Variants in BARX2 observed in about 807,000 individuals in gnomAD.
BARX2 encodes the protein BARX homeobox 2, also known as homeobox protein BarH-like 2.
BARX2 carries 11 observed loss-of-function variants against 25.5 expected under a neutral mutation model. The ratio of observed to expected loss-of-function variants is 0.43; its 90% CI spans 0.27 to 0.71. BARX2 has a LOEUF of 0.71. Among genes scored for constraint, BARX2 ranks in the 30% least tolerant of loss-of-function variants. The probability of loss-of-function intolerance (pLI) is 0.19; values close to 1 mark genes in which losing one functional copy is unlikely to be tolerated. For missense variants in BARX2, 360 were observed against 359.9 expected, an observed-to-expected ratio of 1.00 and a Z score of 0.00; for synonymous variants, 137 against 149.5, an observed-to-expected ratio of 0.92 and a Z score of 0.61.
chr11:129,382,549 G>C (rs1350728134), intron 1 of BARX2, among the ~76,000 whole-genome samples: 1 of 152,124 alleles, frequency 6.6e-6, no homozygotes, highest in Non-Finnish European at 1.5e-5. Flanking sequence ...CTTGCCACAC[G>C]TCCTGCCCAC....
At chr11:129,411,905 C>G (rs910952421) in intron 1 of BARX2, among the ~76,000 whole-genome samples, 1 of 152,188 alleles carries the variant, frequency 6.6e-6, no homozygotes, top group African/African-American at 2.4e-5. Context: ...CCTGTCCTTT[C>G]GAGGAACTCG....
At chr11:129,431,068 G>A (rs1406945551) in intron 1 of BARX2, among the ~76,000 whole-genome samples, 1 of 152,088 alleles carries the variant, frequency 6.6e-6, no homozygotes, top group Non-Finnish European at 1.5e-5. Flanking sequence ...CGCCATGTTG[G>A]CCAGGCTGGT....
At chr11:129,403,339 A>G (rs1472787721) in intron 1 of BARX2, among the ~76,000 whole-genome samples, 1 of 152,246 alleles carries the variant, frequency 6.6e-6, no homozygotes, top group Non-Finnish European at 1.5e-5. Context: ...GCACTGGCTC[A>G]TATTTAAAGG....
At chr11:129,434,715 A>G (rs1483848931) in intron 1 of BARX2, among the ~76,000 whole-genome samples, 7 of 152,358 alleles carry the variant, frequency 4.6e-5, no homozygotes, top group African/African-American at 1.4e-4. Flanking sequence ...CTTTGTACGC[A>G]TAGACCTCAA....
intron 1 of BARX2, among the ~76,000 whole-genome samples, chr11:129,422,136 T>C (rs1862011597): frequency 6.6e-6 from 1 of 152,052 alleles, no homozygotes; most frequent in South Asian, 2.1e-4. Context: ...GCCTCATCTT[T>C]CCCAAGTGCT....
At chr11:129,414,332 G>A (rs1861921802) in intron 1 of BARX2, among the ~76,000 whole-genome samples, 1 of 151,998 alleles carries the variant, frequency 6.6e-6, no homozygotes, top group South Asian at 2.1e-4. Flanking sequence ...TAGGCCCTGT[G>A]ACTAAGCTGT....
intron 1 of BARX2, among the ~76,000 whole-genome samples, chr11:129,414,172 A>C (rs1383817923): frequency 6.6e-6 from 1 of 152,152 alleles, no homozygotes; most frequent in Non-Finnish European, 1.5e-5. Context: ...TTTGGAGTTC[A>C]GAATGTATTA....
intron 1 of BARX2, among the ~76,000 whole-genome samples, chr11:129,431,431 G>A (rs898833144): frequency 6.6e-6 from 1 of 152,166 alleles, no homozygotes; most frequent in Non-Finnish European, 1.5e-5. Context: ...GAGAGTTCCA[G>A]TTGCTCCACA....
intron 1 of BARX2, among the ~76,000 whole-genome samples, chr11:129,387,084 T>G (rs1861623417): frequency 6.6e-6 from 1 of 152,168 alleles, no homozygotes; most frequent in South Asian, 2.1e-4. Flanking sequence ...CGGGACAAAG[T>G]CCTTCTGCAT....
At chr11:129,449,853 C>A (rs1215231583) in intron 3 of BARX2, among the ~76,000 whole-genome samples, 1 of 152,116 alleles carries the variant, frequency 6.6e-6, no homozygotes, top group Non-Finnish European at 1.5e-5. Context: ...AGTGCTCTGG[C>A]CAGAACAGTA....
chr11:129,400,469 A>G (rs1295784781), intron 1 of BARX2, among the ~76,000 whole-genome samples: 1 of 152,188 alleles, frequency 6.6e-6, no homozygotes, highest in Non-Finnish European at 1.5e-5. Context: ...GGCTTTGGAC[A>G]TTCTGAGAAG....
intron 3 of BARX2, among the ~76,000 whole-genome samples, chr11:129,443,810 C>T (rs1001426399): frequency 1.8e-4 from 27 of 152,100 alleles, no homozygotes; most frequent in African/African-American, 6.5e-4. Context: ...GCTTTGTAAA[C>T]CACTGAGACA....
chr11:129,379,502 TA>T (rs1861538875), intron 1 of BARX2, among the ~76,000 whole-genome samples: 1 of 152,084 alleles, frequency 6.6e-6, no homozygotes, highest in African/African-American at 2.4e-5. Context: ...ACACTTCATT[TA>T]GGATGCTTTA....
At chr11:129,383,815 C>T (rs1280424463) in intron 1 of BARX2, among the ~76,000 whole-genome samples, 6 of 152,138 alleles carry the variant, frequency 3.9e-5, no homozygotes, top group Non-Finnish European at 7.4e-5. Flanking sequence ...ACCAACATGT[C>T]CTTAGGAACA....
intron 1 of BARX2, among the ~76,000 whole-genome samples, chr11:129,429,922 T>C (rs1338827799): frequency 6.6e-6 from 1 of 152,268 alleles, no homozygotes; most frequent in Non-Finnish European, 1.5e-5. Flanking sequence ...TTCACTCTCC[T>C]GCAAGGTGCA....
intron 2 of BARX2, among the ~76,000 whole-genome samples, chr11:129,438,835 G>A (rs1196327250): frequency 6.6e-6 from 1 of 152,200 alleles, no homozygotes; most frequent in Non-Finnish European, 1.5e-5. Flanking sequence ...GGATATTGCT[G>A]AGCGTGGGAG....
rs367573574 is a variant in BARX2 at position 129,442,844 on chromosome 11, G to A, written c.498G>A (p.Leu166=). The A allele has an allele frequency of 5.8e-5, 94 of 1,613,618 alleles. No homozygotes were observed. The highest frequency in any genetic ancestry group is 7.3e-5 in the Non-Finnish European group (86 of 1,179,732). Residue 166 remains leucine (L), a synonymous_variant, in exon 3 of 4, where the codon TTG becomes TTA. Coordinates refer to ENST00000281437, the MANE Select transcript of BARX2 (RefSeq NM_003658.5). ...KYLSTPDRLD[L]AQSLGLTQLQ... is the part of the protein sequence containing the mutation. ...ATCTTGTGCCTTCTAGGTTGGACTT[G>A]GCTCAGTCTCTGGGACTCACTCAGC...
chr11:129,414,222 G>C (rs558684932), intron 1 of BARX2, among the ~76,000 whole-genome samples: 2 of 150,382 alleles, frequency 1.3e-5, no homozygotes, highest in African/African-American at 4.9e-5. Context: ...GGCAAATTGT[G>C]ATTTTTTTCT....
chr11:129,402,889 T>A (rs187433665), intron 1 of BARX2, among the ~76,000 whole-genome samples: 600 of 152,270 alleles, frequency 3.9e-3, no homozygotes, highest in Non-Finnish European at 7.1e-3. Context: ...GAGCTTAAAG[T>A]CTATCATAAC....
Sources: allele counts gnomAD v4.1 joint callset (sites outside exome capture counted in the v4.1 genomes callset), GRCh38; gene constraint gnomAD v4.1.1; transcripts MANE v1.5; gene names NCBI Gene and HGNC (gene_info 2026-07-23, HGNC 2026-07-21).